The following CLVS1 variants were observed in gnomAD, a reference collection of about 807,000 sequenced individuals.
The protein encoded by CLVS1 is clavesin 1.
A neutral mutation model predicts 33.1 loss-of-function variants in CLVS1; 10 were observed. The observed-to-expected ratio is 0.30, with a 90% CI of 0.19 to 0.51. CLVS1 has a LOEUF of 0.51. Among genes scored for constraint, CLVS1 ranks in the 20% least tolerant of loss-of-function variants. The probability of loss-of-function intolerance (pLI) is 0.97; values close to 1 mark genes in which losing one functional copy is unlikely to be tolerated. For synonymous variants in CLVS1, 163 were observed against 166.1 expected, an observed-to-expected ratio of 0.98 and a Z score of 0.14; for missense variants, 343 against 433.4, an observed-to-expected ratio of 0.79 and a Z score of 1.85.
the CLVS1 span, among the ~76,000 whole-genome samples, chr8:61,000,167 A>T: frequency 6.6e-6 from 1 of 152,248 alleles, no homozygotes; most frequent in South Asian, 2.1e-4. Flanking sequence ...TCTGAATCCA[A>T]TGATTTGGTT....
chr8:61,020,796 T>A, the CLVS1 span, among the ~76,000 whole-genome samples: 1 of 152,236 alleles, frequency 6.6e-6, no homozygotes. Flanking sequence ...AATGGATGAA[T>A]GAATTTAGAG....
the CLVS1 span, among the ~76,000 whole-genome samples, chr8:61,037,979 G>A: frequency 6.6e-6 from 1 of 152,146 alleles, no homozygotes. Context: ...AGGATGAGAA[G>A]AAACCAGGGC....
chr8:61,143,212 C>G (rs1190998505), intron 2 of CLVS1, among the ~76,000 whole-genome samples: 7 of 152,146 alleles, frequency 4.6e-5, no homozygotes, highest in African/African-American at 9.7e-5. Flanking sequence ...TTTAAAAATA[C>G]ACTTGAGGCT....
intron 1 of CLVS1, among the ~76,000 whole-genome samples, chr8:61,080,398 G>A (rs1805000176): frequency 6.6e-6 from 1 of 152,138 alleles, no homozygotes; most frequent in Admixed American, 6.5e-5. Context: ...AAATAATGTA[G>A]TTTTCATGTG....
At chr8:61,179,919 A>C (rs1563433424) in intron 2 of CLVS1, among the ~76,000 whole-genome samples, 1 of 152,224 alleles carries the variant, frequency 6.6e-6, no homozygotes, top group Non-Finnish European at 1.5e-5. Context: ...CTAACTTCAT[A>C]ATTAAAAGAA....
intron 2 of CLVS1, among the ~76,000 whole-genome samples, chr8:61,308,096 G>T (rs189395921): frequency 2.6e-3 from 401 of 152,338 alleles, no homozygotes; most frequent in Non-Finnish European, 3.6e-3. Context: ...CTGCTGGTCA[G>T]TTATAGTACA....
At chr8:61,478,326 A>G (rs1189521266) in intron 5 of CLVS1, among the ~76,000 whole-genome samples, 1 of 152,186 alleles carries the variant, frequency 6.6e-6, no homozygotes, top group African/African-American at 2.4e-5. Flanking sequence ...GTAGATGTCT[A>G]TTAGGTCCAC....
chr8:61,132,777 G>A (rs976339275), intron 2 of CLVS1, among the ~76,000 whole-genome samples: 9 of 152,188 alleles, frequency 5.9e-5, no homozygotes, highest in Non-Finnish European at 8.8e-5. Flanking sequence ...CCCCAGTGTC[G>A]CTGCTGGGAC....
chr8:61,090,708 C>A (rs373475905), intron 1 of CLVS1, among the ~76,000 whole-genome samples: 1 of 152,192 alleles, frequency 6.6e-6, no homozygotes. Flanking sequence ...AACAATTTTG[C>A]TATGCATATC....
intron 1 of CLVS1, among the ~76,000 whole-genome samples, chr8:61,077,842 C>T (rs1291555960): frequency 6.6e-6 from 1 of 152,276 alleles, no homozygotes; most frequent in Non-Finnish European, 1.5e-5. Flanking sequence ...GAGCCATCTG[C>T]GAGGATTTTG....
chr8:60,982,493 G>A, the CLVS1 span, among the ~76,000 whole-genome samples: 3 of 152,098 alleles, frequency 2.0e-5, no homozygotes, highest in Non-Finnish European at 4.4e-5. Flanking sequence ...CCTTTAAAAG[G>A]CCTATGTAAA....
In CLVS1 at chr8:61,160,103, T is replaced by C. The variant is rs1806724922; in HGVS notation, c.-152+28243T>C. On this transcript the variant is annotated intron_variant, in intron 2 of 2. Transcript: ENST00000522621. ...CCATTTCTTCTCTGGCCTGAGCTTCTCTGCTGAAGAAACAGAGGACAGATT... is the reference window on the plus strand; with the variant it reads ...CCATTTCTTCTCTGGCCTGAGCTTCCCTGCTGAAGAAACAGAGGACAGATT... Among the ~76,000 whole-genome samples the C allele has an allele frequency of 3.9e-5, 6 of 152,188 alleles. No individual in the cohort carries two copies. The South Asian group carries it at 1.2e-3, about 32-fold the overall frequency.
At chr8:61,184,953 C>T (rs1807313517) in intron 2 of CLVS1, among the ~76,000 whole-genome samples, 1 of 152,112 alleles carries the variant, frequency 6.6e-6, no homozygotes, top group South Asian at 2.1e-4. Context: ...TAAGAAAATA[C>T]TACCTACAAT....
chr8:61,149,684 C>T (rs901099263), intron 2 of CLVS1, among the ~76,000 whole-genome samples: 2 of 151,562 alleles, frequency 1.3e-5, no homozygotes, highest in East Asian at 3.9e-4. Context: ...CTCATTTGAA[C>T]TTAACATGAG....
chr8:61,172,226 CT>C (rs1807017214), intron 2 of CLVS1, among the ~76,000 whole-genome samples: 1 of 152,098 alleles, frequency 6.6e-6, no homozygotes, highest in Non-Finnish European at 1.5e-5. Context: ...GAGGAGGGCA[CT>C]TAGAGGTTTT....
chr8:61,281,534 C>T (rs1809671044), intron 2 of CLVS1, among the ~76,000 whole-genome samples: 1 of 152,150 alleles, frequency 6.6e-6, no homozygotes, highest in Non-Finnish European at 1.5e-5. Context: ...GAAACCAATC[C>T]TGCTGGCACC....
chr8:61,226,800 C>G (rs765853845), intron 2 of CLVS1, among the ~76,000 whole-genome samples: 2 of 152,110 alleles, frequency 1.3e-5, no homozygotes, highest in Non-Finnish European at 2.9e-5. Context: ...TTGGTGTCAG[C>G]AGTGATAACT....
At chr8:61,492,566 C>T (rs377436292) in intron 5 of CLVS1, among the ~76,000 whole-genome samples, 1 of 152,048 alleles carries the variant, frequency 6.6e-6, no homozygotes, top group Non-Finnish European at 1.5e-5. Context: ...CAGTCAATGT[C>T]CAAGCCCACT....
At chr8:61,352,549 A>T (rs893513325) in intron 2 of CLVS1, among the ~76,000 whole-genome samples, 6 of 152,072 alleles carry the variant, frequency 3.9e-5, no homozygotes, top group African/African-American at 1.4e-4. Context: ...TCATTAACGT[A>T]GACTGAAAGT....
Sources: gnomAD v4.1 joint callset for allele counts (sites outside exome capture counted in the v4.1 genomes callset) on GRCh38, gnomAD v4.1.1 for gene constraint, MANE v1.5 for transcripts, NCBI Gene and HGNC (gene_info 2026-07-23, HGNC 2026-07-21) for gene names.